Variants in EDA observed in about 807,000 individuals in gnomAD.
EDA encodes the protein ectodysplasin-A.
In EDA, 2 loss-of-function variants were observed where a neutral mutation model predicts 23.6. The ratio of observed to expected loss-of-function variants is 0.08; its 90% CI spans 0.03 to 0.27. The LOEUF (loss-of-function observed/expected upper bound fraction) is 0.27, where lower values mean the gene tolerates loss of function less well. Among genes scored for constraint, EDA ranks in the 10% least tolerant of loss-of-function variants. The probability of loss-of-function intolerance (pLI) is 1.00; values close to 1 mark genes in which losing one functional copy is unlikely to be tolerated. For missense variants in EDA, 229 were observed against 324.2 expected, an observed-to-expected ratio of 0.71 and a Z score of 2.26; for synonymous variants, 131 against 132.0, an observed-to-expected ratio of 0.99 and a Z score of 0.05.
rs961973874 is a variant in EDA, at chrX:69,627,412, T to A, written c.396+10708T>A. 6.3e-5 allele frequency among the ~76,000 whole-genome samples: 7 copies of A among 111,198 alleles called. No individual in the cohort carries two copies. The Admixed American group carries it at 6.7e-4, about 11-fold the overall frequency. ...TTCAGAATTGTAGGGTTAAAATATA[T>A]CATACAGATCATCCGTGGCAGTGGT... On this transcript the variant is annotated intron_variant, in intron 1 of 7. Coordinates refer to ENST00000374552, the MANE Select transcript of EDA (RefSeq NM_001399.5).
intron 1 of EDA, among the ~76,000 whole-genome samples, chrX:69,927,985 C>G (rs1441636707): frequency 9.0e-6 from 1 of 111,547 alleles, no homozygotes; most frequent in Non-Finnish European, 1.9e-5. Context: ...ATACAACTAA[C>G]ATTAATTGAA....
chrX:69,694,884 CAGTT>C (rs1339471523), intron 1 of EDA, among the ~76,000 whole-genome samples: 1 of 111,910 alleles, frequency 8.9e-6, no homozygotes, highest in Non-Finnish European at 1.9e-5. Context: ...TGAATAAGCC[CAGTT>C]AGTTTATATT....
chrX:69,929,706 T>TTG (rs4007701), intron 1 of EDA, among the ~76,000 whole-genome samples: 4,225 of 84,178 alleles, frequency 0.05, 114 homozygotes, highest in Middle Eastern at 0.094. Flanking sequence ...CATTCTATTT[T>TTG]TGTGTGTGTG....
At chrX:70,020,503 G>A (rs1319348380) in intron 2 of EDA, among the ~76,000 whole-genome samples, 4 of 109,050 alleles carry the variant, frequency 3.7e-5, no homozygotes, top group Non-Finnish European at 7.6e-5. Context: ...AGTTTGCAGT[G>A]AGCCAAGATC....
chrX:69,821,865 G>C (rs1223234516), intron 1 of EDA, among the ~76,000 whole-genome samples: 1 of 112,036 alleles, frequency 8.9e-6, no homozygotes, highest in Non-Finnish European at 1.9e-5. Context: ...GAAATGTACA[G>C]TTTGGTGTTA....
intron 1 of EDA, among the ~76,000 whole-genome samples, chrX:69,723,581 G>A (rs2012675359): frequency 8.9e-6 from 1 of 111,953 alleles, no homozygotes; most frequent in Admixed American, 9.5e-5. Context: ...TCAGCAAACT[G>A]ACATCATTAT....
chrX:69,955,512 G>A (rs1206174649), intron 1 of EDA, among the ~76,000 whole-genome samples: 1 of 111,311 alleles, frequency 9.0e-6, no homozygotes, highest in African/African-American at 3.3e-5. Context: ...GCTTTCTTGG[G>A]TCCAACCCAT....
chrX:69,833,269 A>G (rs2016667016), intron 1 of EDA, among the ~76,000 whole-genome samples: 1 of 111,414 alleles, frequency 9.0e-6, no homozygotes. Context: ...AATTTTGTCA[A>G]AGGCCTTTTC....
chrX:69,832,839 T>G (rs2147543934), intron 1 of EDA, among the ~76,000 whole-genome samples: 1 of 111,648 alleles, frequency 9.0e-6, no homozygotes, highest in Admixed American at 9.5e-5. Flanking sequence ...GGCTCTCTGT[T>G]TGTCTGTTAT....
intron 1 of EDA, among the ~76,000 whole-genome samples, chrX:69,881,945 C>G (rs2017754671): frequency 9.0e-6 from 1 of 110,580 alleles, no homozygotes; most frequent in Admixed American, 9.6e-5. Flanking sequence ...AGGACAGCAT[C>G]AAGCCACTCA....
At chrX:69,909,546 A>C (rs1013696765) in intron 1 of EDA, among the ~76,000 whole-genome samples, 3 of 112,250 alleles carry the variant, frequency 2.7e-5, no homozygotes, top group Non-Finnish European at 5.6e-5. Flanking sequence ...TGATCCGTTC[A>C]CCTTGGCCTC....
intron 1 of EDA, among the ~76,000 whole-genome samples, chrX:69,751,457 G>A (rs1479835305): frequency 2.8e-4 from 31 of 112,181 alleles, no homozygotes; most frequent in Admixed American, 1.2e-3. Flanking sequence ...GTCAGGTAGC[G>A]CGATGCCTCC....
chrX:69,650,570 A>T (rs745773005), intron 1 of EDA, among the ~76,000 whole-genome samples: 14 of 112,226 alleles, frequency 1.2e-4, no homozygotes, highest in African/African-American at 4.5e-4. Context: ...GCTAGAAGAC[A>T]AGATTTGCAA....
chrX:69,633,892 C>T (rs1386220429), intron 1 of EDA, among the ~76,000 whole-genome samples: 1 of 112,144 alleles, frequency 8.9e-6, no homozygotes, highest in Non-Finnish European at 1.9e-5. Flanking sequence ...GGTGGAATTG[C>T]TGGGTCCTAT....
chrX:69,946,165 C>T (rs938149563), intron 1 of EDA, among the ~76,000 whole-genome samples: 3 of 111,645 alleles, frequency 2.7e-5, no homozygotes, highest in African/African-American at 9.8e-5. Context: ...TCCCAATCCT[C>T]GGGTTTGTTT....
intron 1 of EDA, among the ~76,000 whole-genome samples, chrX:69,766,261 TG>T (rs1260681670): frequency 8.9e-6 from 1 of 111,819 alleles, no homozygotes; most frequent in Non-Finnish European, 1.9e-5. Context: ...TTGATTTTTT[TG>T]TAGGGGGGAA....
At chrX:69,910,726 G>C (rs142953393) in intron 1 of EDA, among the ~76,000 whole-genome samples, 6,600 of 110,855 alleles carry the variant, frequency 0.06, 189 homozygotes, top group Middle Eastern at 0.085. Flanking sequence ...CTAAGTCTGA[G>C]GGTGAACTTT....
intron 1 of EDA, among the ~76,000 whole-genome samples, chrX:69,881,064 A>G (rs1253364362): frequency 8.9e-6 from 1 of 111,862 alleles, no homozygotes; most frequent in East Asian, 2.8e-4. Flanking sequence ...GAGTGGTGGC[A>G]AAGCCTGACG....
At chrX:69,860,476 T>A (rs1326615057) in intron 1 of EDA, among the ~76,000 whole-genome samples, 1 of 111,622 alleles carries the variant, frequency 9.0e-6, no homozygotes, top group African/African-American at 3.3e-5. Flanking sequence ...TATTTCTCCT[T>A]TGCTTATGAA....
Sources: allele counts gnomAD v4.1 joint callset (sites outside exome capture counted in the v4.1 genomes callset), GRCh38; gene constraint gnomAD v4.1.1; transcripts MANE v1.5; gene names NCBI Gene and HGNC (gene_info 2026-07-23, HGNC 2026-07-21).